LRR1: variants seen among roughly 807,000 people sequenced by gnomAD.
LRR1 encodes leucine-rich repeat protein 1.
LRR1 carries 29 observed loss-of-function variants against 31.6 expected under a neutral mutation model. That is an observed-to-expected ratio of 0.92 (90% CI 0.68 to 1.25). The LOEUF (loss-of-function observed/expected upper bound fraction) is 1.25. Ranked by LOEUF, LRR1 falls within the 50% of genes most tolerant of loss-of-function variation. The pLI is 0.00. For synonymous variants in LRR1, 179 were observed against 181.4 expected (o/e 0.99, Z 0.10); for missense variants, 485 against 487.2 (o/e 1.00, Z 0.04).
In LRR1 at chr14:49,608,899, C is replaced by CTTT. The variant is rs34457930; in HGVS notation, c.1004+803_1004+805dup. Among the ~76,000 whole-genome samples, 74 of 71,600 alleles carry CTTT rather than the reference C, an allele frequency of 1.0e-3. 9 individuals carry two copies. The highest frequency in any genetic ancestry group is 2.0e-3 in the African/African-American group (33 of 16,692). The allele number at this position is 71,600 out of a possible 152,430, so 47.0% of individuals were successfully genotyped here. A position where few individuals can be genotyped will look rare whatever the true frequency, so the allele number is the denominator to read the frequency against. On this transcript the variant is annotated intron_variant, in intron 3 of 3. Transcript: ENST00000298288. ...TCACCACTTTGTATGACTTTAACCT[C>CTTT]TTTTTTTTTTTTTTTTTTTTTTTTT...
intron 3 of LRR1, chr14:49,612,634 G>GT: frequency 2.9e-6 from 3 of 1,041,722 alleles, no homozygotes; most frequent in Non-Finnish European, 3.5e-6. Context: ...GGTAACCGCT[G>GT]TTTTTTTATT....
At chr14:49,601,800 A>G (rs1319666661) in intron 1 of LRR1, among the ~76,000 whole-genome samples, 3 of 147,462 alleles carry the variant, frequency 2.0e-5, no homozygotes, top group Non-Finnish European at 4.5e-5. Flanking sequence ...GATGAGGAGT[A>G]TAACTTCCCA....
Position 49,608,078 on chromosome 14 carries a change from T to C in LRR1, c.961T>C (p.Leu321=). Residue 321 remains leucine, a synonymous_variant, in exon 3 of 4, where the codon TTA becomes CTA. Coordinates refer to ENST00000298288, the MANE Select transcript of LRR1 (RefSeq NM_152329.4). ...VLPVIKLQAP[L]TLLESSARTI... ...TCCAGTAATAAAGCTGCAAGCACCATTAACTTTATTGGAATCTTCTGCACG... is the reference window on the plus strand; with the variant it reads ...TCCAGTAATAAAGCTGCAAGCACCACTAACTTTATTGGAATCTTCTGCACG... 1 of 1,602,502 alleles carries C rather than the reference T, an allele frequency of 6.2e-7. No homozygotes were observed. Among genetic ancestry groups the C allele is most frequent in the East Asian group, 2.2e-5 (1 of 44,824 alleles).
chr14:49,606,739 C>T (rs1384168310), intron 2 of LRR1, among the ~76,000 whole-genome samples: 1 of 151,478 alleles, frequency 6.6e-6, no homozygotes, highest in Non-Finnish European at 1.5e-5. Flanking sequence ...TCACTGCAAC[C>T]TCCGCCTCCC....
chr14:49,600,299 G>T, intron 1 of LRR1: 30 of 1,495,096 alleles, frequency 2.0e-5, no homozygotes, highest in Non-Finnish European at 2.6e-5. Context: ...TGAGGGAGGA[G>T]TGGGTACCGG....
chr14:49,614,584 A>T lies in LRR1; in HGVS notation c.*88A>T, dbSNP rs746341162. 6 of 1,532,720 alleles carry T rather than the reference A, an allele frequency of 3.9e-6. No homozygotes were observed. The highest frequency in any genetic ancestry group is 5.4e-6 in the Non-Finnish European group (6 of 1,113,336). The allele number at this position is 1,532,720 out of a possible 1,614,324, so 94.9% of individuals were successfully genotyped here. A position where few individuals can be genotyped will look rare whatever the true frequency, so the allele number is the denominator to read the frequency against. ...CAGCGTCAAATTGGAGTAAGGGAAG[A>T]TTTCTGTATACTTGCTGGAGAGGAG... On this transcript the variant is annotated 3_prime_UTR_variant, in exon 4 of 4. Transcript: ENST00000298288.
chr14:49,601,531 C>G, intron 1 of LRR1: 1 of 958,400 alleles, frequency 1.0e-6, no homozygotes, highest in Non-Finnish European at 1.5e-6. Context: ...ATGTGTCAGT[C>G]ATCGTTCTAG....
chr14:49,610,641 C>T (rs1251074777), intron 3 of LRR1, among the ~76,000 whole-genome samples: 1 of 151,124 alleles, frequency 6.6e-6, no homozygotes, highest in African/African-American at 2.4e-5. Flanking sequence ...CAGCTCACTG[C>T]AACCTCTGCC....
intron 2 of LRR1, among the ~76,000 whole-genome samples, chr14:49,603,309 T>G (rs531392835): frequency 2.6e-5 from 4 of 152,260 alleles, no homozygotes; most frequent in African/African-American, 7.2e-5. Flanking sequence ...CTCAGTAAGA[T>G]TCCCAGGATG....
chr14:49,603,576 G>C lies in LRR1; in HGVS notation c.282+1108G>C, dbSNP rs1594585612. 5.4e-6 allele frequency: 4 copies of C among 738,214 alleles called. No homozygotes were observed. The African/African-American group carries it at 6.5e-5, about 12-fold the overall frequency. 45.7% of individuals were successfully genotyped at this position (738,214 alleles called of 1,614,324 possible). A position where few individuals can be genotyped will look rare whatever the true frequency, so the allele number is the denominator to read the frequency against. On this transcript the variant is annotated intron_variant, in intron 2 of 3. Coordinates refer to ENST00000298288, the MANE Select transcript of LRR1 (RefSeq NM_152329.4). ...GATGGAGTCTCATTCTGTCACCCAG[G>C]TTGGAGTGCAGTGGGAAGAGCTTGG...
chr14:49,600,020 G>A, intron 1 of LRR1: 1 of 1,609,320 alleles, frequency 6.2e-7, no homozygotes, highest in Non-Finnish European at 8.5e-7. Flanking sequence ...GCGCGCTGAT[G>A]CTCAAGTGCG....
intron 3 of LRR1, among the ~76,000 whole-genome samples, chr14:49,608,515 C>G (rs1882383682): frequency 7.0e-6 from 1 of 143,678 alleles, no homozygotes; most frequent in Non-Finnish European, 1.5e-5. Flanking sequence ...TCAGTTTTCC[C>G]CACTAGAATG....
chr14:49,614,654 A>G lies in LRR1; in HGVS notation c.*158A>G, dbSNP rs758016091. 14 of 996,934 alleles carry G rather than the reference A, an allele frequency of 1.4e-5. No individual in the cohort carries two copies. The African/African-American group carries it at 2.1e-4, about 15-fold the overall frequency. The allele number at this position is 996,934 out of a possible 1,614,324, so 61.8% of individuals were successfully genotyped here. On this transcript the variant is annotated 3_prime_UTR_variant, in exon 4 of 4. Transcript: ENST00000298288. ...TTTAGATGACTCCAAAACTTTTATT[A>G]AAACCAATTTTAGTTTTACTGTGGT...
intron 2 of LRR1, 121 bp downstream of exon 2, chr14:49,602,589 A>T: frequency 1.4e-6 from 1 of 739,334 alleles, no homozygotes; most frequent in Non-Finnish European, 2.3e-6. Flanking sequence ...TCACTGCATC[A>T]AACACCTAGG....
chr14:49,612,754 C>A, intron 3 of LRR1: 1 of 551,862 alleles, frequency 1.8e-6, no homozygotes, highest in Non-Finnish European at 2.4e-6. Flanking sequence ...CTATTATGTG[C>A]CAGCCTAAGC....
Position 49,608,234 on chromosome 14 carries a change from C to T in LRR1, c.1004+113C>T, listed in dbSNP as rs892674944. 12 of 1,129,680 alleles carry T rather than the reference C, an allele frequency of 1.1e-5. No homozygotes were observed. In the African/African-American group the frequency reaches 1.6e-4, roughly 15 times the overall value. The allele number at this position is 1,129,680 out of a possible 1,614,324, so 70.0% of individuals were successfully genotyped here. On this transcript the variant is annotated intron_variant, in intron 3 of 3. Coordinates refer to ENST00000298288, the MANE Select transcript of LRR1 (RefSeq NM_152329.4). ...TTACAGTGCTATGCACAGTCTGACC[C>T]TTTGCTATAATGGTCTTCTTGTTCC...
chr14:49,607,555 T>C lies in LRR1; in HGVS notation c.438T>C (p.Tyr146=). 1 of 1,614,126 alleles carries C rather than the reference T, an allele frequency of 6.2e-7. No homozygotes were observed. Among genetic ancestry groups the C allele is most frequent in the South Asian group, 1.1e-5 (1 of 91,080 alleles). ...TGGTTATCACATCCAAAAAAGACTA[T>C]CCTCTAAGTAAGAATTTTCCATATT... The part of the protein sequence containing the change: ...TKMVITSKKD[Y]PLSKNFPYSL... The change falls in exon 3 of 4, where the codon TAT becomes TAC. Residue 146 remains tyrosine, a synonymous_variant. Coordinates refer to ENST00000298288, the MANE Select transcript of LRR1 (RefSeq NM_152329.4).
intron 2 of LRR1, chr14:49,603,523 CTTTTTT>C (rs752524533): frequency 3.1e-3 from 310 of 98,974 alleles, no homozygotes; most frequent in South Asian, 0.016. Context: ...TCTTCTTCTT[CTTTTTT>C]TTTTTTTTTT....
chr14:49,607,355 T>A, intron 2 of LRR1, 45 bp from the exon 3 acceptor site: 1 of 1,496,332 alleles, frequency 6.7e-7, no homozygotes. Context: ...CATGTATGTA[T>A]TATCTCCAGT....
Sources: allele counts gnomAD v4.1 joint callset (sites outside exome capture counted in the v4.1 genomes callset), GRCh38; gene constraint gnomAD v4.1.1; transcripts MANE v1.5; gene names NCBI Gene and HGNC (gene_info 2026-07-23, HGNC 2026-07-21).